The following PCDHGA11 variants were observed in gnomAD, a reference collection of about 807,000 sequenced individuals.
PCDHGA11 encodes protocadherin gamma-A11.
PCDHGA11 carries 39 observed loss-of-function variants against 60.4 expected under a neutral mutation model. The observed-to-expected ratio is 0.65, with a 90% CI of 0.50 to 0.84. PCDHGA11 has a LOEUF of 0.84. PCDHGA11 is among the 40% of genes least tolerant of loss of function. PCDHGA11 has a pLI of 0.00. For missense variants in PCDHGA11, 1,165 were observed against 1,197.7 expected (o/e 0.97, Z 0.40); for synonymous variants, 533 against 510.3 (o/e 1.04, Z -0.60).
chr5:141,497,693 C>T (rs2099778709), intron 2 of PCDHGA11, among the ~76,000 whole-genome samples: 2 of 152,136 alleles, frequency 1.3e-5, no homozygotes, highest in Admixed American at 6.5e-5. Context: ...GTGTGCACCA[C>T]CACACCCAGC....
In PCDHGA11 at chr5:141,511,360, T is replaced by C; in HGVS notation, c.*187T>C. The C allele has an allele frequency of 7.5e-7, 1 of 1,333,050 alleles. No individual in the cohort carries two copies. Among genetic ancestry groups the C allele is most frequent in the Non-Finnish European group, 1.0e-6 (1 of 994,882 alleles). 82.6% of individuals were successfully genotyped at this position (1,333,050 alleles called of 1,614,324 possible). On this transcript the variant is annotated 3_prime_UTR_variant, in exon 4 of 4. Transcript: ENST00000398587. ...ACCTACCCCTTCCCCCCCAGGGGGT[T>C]GAATATGCAAAAGCAGTTCCGCTGG...
chr5:141,442,051 C>G (rs1384937090), intron 1 of PCDHGA11: 1 of 197,158 alleles, frequency 5.1e-6, no homozygotes, highest in East Asian at 1.8e-4. Context: ...CTACTGGTCG[C>G]GGTGCACTGC....
intron 3 of PCDHGA11, among the ~76,000 whole-genome samples, chr5:141,505,989 T>C (rs1275642739): frequency 6.6e-6 from 1 of 152,136 alleles, no homozygotes; most frequent in Non-Finnish European, 1.5e-5. Context: ...ACACCTCCTC[T>C]TTATGCGAGG....
At chr5:141,483,534 G>C (rs754118568) in intron 1 of PCDHGA11, among the ~76,000 whole-genome samples, 1 of 152,102 alleles carries the variant, frequency 6.6e-6, no homozygotes, top group Non-Finnish European at 1.5e-5. Flanking sequence ...AAGGAAGCTG[G>C]GTGGTTGACA....
chr5:141,443,064 G>A (rs76234738), intron 1 of PCDHGA11, among the ~76,000 whole-genome samples: 48 of 152,264 alleles, frequency 3.2e-4, no homozygotes, highest in African/African-American at 1.1e-3. Context: ...ACTGAAGAGC[G>A]TCTTATGACT....
chr5:141,481,065 AAAAG>A (rs1476331686), intron 1 of PCDHGA11, among the ~76,000 whole-genome samples: 1 of 152,164 alleles, frequency 6.6e-6, no homozygotes, highest in Non-Finnish European at 1.5e-5. Flanking sequence ...CTCAAAAACA[AAAAG>A]AAAGAAAGAA....
In PCDHGA11 at chr5:141,487,120, T is replaced by C. The variant is rs1342042604; in HGVS notation, c.2434-7687T>C. 1.9e-6 allele frequency: 3 copies of C among 1,613,948 alleles called. No homozygotes were observed. Among genetic ancestry groups the C allele is most frequent in the Admixed American group, 1.7e-5 (1 of 60,028 alleles). ...AGAAGCTGGTCATTGTGGTAAAGGA[T>C]AGTGGTAGTCCACCACTCTCTACCT... On this transcript the variant is annotated intron_variant, in intron 1 of 3. Coordinates refer to ENST00000398587, the MANE Select transcript of PCDHGA11 (RefSeq NM_018914.3). The surrounding 1 kb of genome is among the most constrained non-coding windows in gnomAD (Gnocchi z 5.0).
chr5:141,489,253 A>T lies in PCDHGA11; in HGVS notation c.2434-5554A>T. 1 of 1,547,506 alleles carries T rather than the reference A, an allele frequency of 6.5e-7. No individual in the cohort carries two copies. The highest frequency in any genetic ancestry group is 2.3e-5 in the East Asian group (1 of 44,418). ...GGACTTCTGGGTCATGGGGCCCAAG[A>T]CACTCCCACAGCTCGCTGGGAAATG... On this transcript the variant is annotated intron_variant, in intron 1 of 3. Coordinates refer to ENST00000398587, the MANE Select transcript of PCDHGA11 (RefSeq NM_018914.3). This position sits in a 1 kb window ranked among gnomAD's most constrained non-coding sequence, Gnocchi z 4.5.
At position 141,487,385 on chromosome 5, in the gene PCDHGA11, CGAA is replaced by C; in HGVS notation, c.2434-7420_2434-7418del. 6.2e-7 allele frequency: 1 copy of C among 1,614,160 alleles called. No individual in the cohort carries two copies. The highest frequency in any genetic ancestry group is 8.5e-7 in the Non-Finnish European group (1 of 1,180,046). On this transcript the variant is annotated intron_variant, in intron 1 of 3. Coordinates refer to ENST00000398587, the MANE Select transcript of PCDHGA11 (RefSeq NM_018914.3). The surrounding 1 kb of genome is among the most constrained non-coding windows in gnomAD (Gnocchi z 5.0). ...CACCTGTGCCTGTCTCACCAGATCTCGAAGGAGGGAGGGGCTTCCCCCTTCCAA... is the reference window on the plus strand; with the variant it reads ...CACCTGTGCCTGTCTCACCAGATCTCGGAGGGAGGGGCTTCCCCCTTCCAA...
chr5:141,479,342 G>A (rs926832955), intron 1 of PCDHGA11: 1 of 152,486 alleles, frequency 6.6e-6, no homozygotes, highest in Admixed American at 6.5e-5. Flanking sequence ...TGCACCTGTA[G>A]TTCTTGCTGC....
Position 141,431,033 on chromosome 5 carries a change from C to G in PCDHGA11, c.2433+7373C>G, listed in dbSNP as rs1006751011. ...CTTGGTCACGGCGGGCAGGATAGAC[C>G]GGGAGGAGCTCTGTATGGGGGCCAT... On this transcript the variant is annotated intron_variant, in intron 1 of 3. Coordinates refer to ENST00000398587, the MANE Select transcript of PCDHGA11 (RefSeq NM_018914.3). This position sits in a 1 kb window ranked among gnomAD's most constrained non-coding sequence, Gnocchi z 4.8. 1.2e-6 allele frequency: 2 copies of G among 1,613,980 alleles called. No individual in the cohort carries two copies. Among genetic ancestry groups the G allele is most frequent in the Admixed American group, 3.3e-5 (2 of 60,024 alleles).
Position 141,456,898 on chromosome 5 carries a change from G to A in PCDHGA11, c.2433+33238G>A, listed in dbSNP as rs1046778634. 3.9e-5 allele frequency among the ~76,000 whole-genome samples: 6 copies of A among 152,284 alleles called. No individual in the cohort carries two copies. The South Asian group carries it at 6.2e-4, about 16-fold the overall frequency. On this transcript the variant is annotated intron_variant, in intron 1 of 3. Transcript: ENST00000398587. ...GAATCGCTTGAACCCGGGAGGCAGA[G>A]GTTGCAGTGAGCCGAGATCGCACCA...
Position 141,432,809 on chromosome 5 carries a change from T to A in PCDHGA11, c.2433+9149T>A. ...CGGCAGCCTCGAGTCTCCAGCTAAC[T>A]CTGAAACCTCAGACCTCACTCTGTA... is the stretch of plus-strand genomic sequence containing the variant. On this transcript the variant is annotated intron_variant, in intron 1 of 3. Coordinates refer to ENST00000398587, the MANE Select transcript of PCDHGA11 (RefSeq NM_018914.3). This position sits in a 1 kb window ranked among gnomAD's most constrained non-coding sequence, Gnocchi z 6.0. The A allele has an allele frequency of 6.2e-7, 1 of 1,613,398 alleles. No homozygotes were observed. Among genetic ancestry groups the A allele is most frequent in the Non-Finnish European group, 8.5e-7 (1 of 1,179,980 alleles).
chr5:141,491,666 G>T lies in PCDHGA11; in HGVS notation c.2434-3141G>T, dbSNP rs373526771. Reference sequence around the variant, plus strand: ...CTGGCGCTGGAGCCTGACGCCATCCGGTCCCGCTCTAATACGCTGCGGGAG... The same window carrying T: ...CTGGCGCTGGAGCCTGACGCCATCCTGTCCCGCTCTAATACGCTGCGGGAG... On this transcript the variant is annotated intron_variant, in intron 1 of 3. Transcript: ENST00000398587. This position sits in a 1 kb window ranked among gnomAD's most constrained non-coding sequence, Gnocchi z 6.9. 1.2e-6 allele frequency: 2 copies of T among 1,613,732 alleles called. No homozygotes were observed. Among genetic ancestry groups the T allele is most frequent in the Non-Finnish European group, 1.7e-6 (2 of 1,180,008 alleles).
rs753372015 is a variant in PCDHGA11 at position 141,422,180 on chromosome 5, T to C, written c.953T>C (p.Met318Thr). The stretch of plus-strand genomic sequence containing the variant: ...TTTGAAAAATATAGATTCTATGAGA[T>C]GGAAATTCAAGGCCAAGATGGTGGA... Reference protein sequence around the residue: ...LDFEKYRFYEMEIQGQDGGGL... With the variant: ...LDFEKYRFYETEIQGQDGGGL... Residue 318 changes from methionine to threonine, a missense_variant, in exon 1 of 4, where the codon ATG becomes ACG. Coordinates refer to ENST00000398587, the MANE Select transcript of PCDHGA11 (RefSeq NM_018914.3). 1.1e-5 allele frequency: 17 copies of C among 1,562,190 alleles called. No homozygotes were observed. In the African/African-American group the frequency reaches 1.9e-4, roughly 18 times the overall value.
At chr5:141,474,062 C>A (rs745636246) in intron 1 of PCDHGA11, among the ~76,000 whole-genome samples, 2 of 152,104 alleles carry the variant, frequency 1.3e-5, no homozygotes, top group Non-Finnish European at 2.9e-5. Context: ...AGAGCGAGAT[C>A]CTGCCTCAGA....
rs1193095881 is a variant in PCDHGA11 at position 141,490,273 on chromosome 5, G to T, written c.2434-4534G>T. On this transcript the variant is annotated intron_variant, in intron 1 of 3. Coordinates refer to ENST00000398587, the MANE Select transcript of PCDHGA11 (RefSeq NM_018914.3). This position sits in a 1 kb window ranked among gnomAD's most constrained non-coding sequence, Gnocchi z 5.4. ...TCAAGTGGATGTGGGGGATGTCAAT[G>T]ACAATGCCCCAGAGGTGCTATTGGC... 6.2e-7 allele frequency: 1 copy of T among 1,614,108 alleles called. No homozygotes were observed. The highest frequency in any genetic ancestry group is 8.5e-7 in the Non-Finnish European group (1 of 1,180,052).
At chr5:141,505,044 C>G (rs1446394128) in intron 2 of PCDHGA11, among the ~76,000 whole-genome samples, 3 of 152,156 alleles carry the variant, frequency 2.0e-5, no homozygotes, top group African/African-American at 7.2e-5. Context: ...TGCCTGTCAT[C>G]CCAGCTACTT....
chr5:141,462,209 C>T (rs1158675305), intron 1 of PCDHGA11, among the ~76,000 whole-genome samples: 6 of 152,172 alleles, frequency 3.9e-5, no homozygotes, highest in Non-Finnish European at 8.8e-5. Flanking sequence ...ATCCGCCTGC[C>T]TCGGCCTCCC....
Sources: gnomAD v4.1 joint callset for allele counts (sites outside exome capture counted in the v4.1 genomes callset) on GRCh38, gnomAD v4.1.1 for gene constraint, Gnocchi (gnomAD v3.1) non-coding constraint, MANE v1.5 for transcripts, NCBI Gene and HGNC (gene_info 2026-07-23, HGNC 2026-07-21) for gene names.